Variants in SLC25A21 observed in about 807,000 individuals in gnomAD.
SLC25A21 encodes mitochondrial 2-oxodicarboxylate carrier.
SLC25A21 carries 47 observed loss-of-function variants against 43.8 expected under a neutral mutation model. The ratio of observed to expected loss-of-function variants is 1.07; its 90% CI spans 0.85 to 1.37. The LOEUF is 1.37. Among genes scored for constraint, SLC25A21 ranks in the 40% most tolerant of loss-of-function variants. The pLI is 0.00. For synonymous variants in SLC25A21, 131 were observed against 121.3 expected (o/e 1.08, Z -0.52); for missense variants, 352 against 350.2 (o/e 1.00, Z -0.04).
At chr14:36,983,831 C>A (rs1272049744) in intron 1 of SLC25A21, among the ~76,000 whole-genome samples, 2 of 152,036 alleles carry the variant, frequency 1.3e-5, no homozygotes, top group African/African-American at 4.8e-5. Flanking sequence ...GGAATCATAT[C>A]CTTTGCAGTA....
At chr14:36,782,646 A>G (rs1887105913) in intron 3 of SLC25A21, among the ~76,000 whole-genome samples, 2 of 152,166 alleles carry the variant, frequency 1.3e-5, no homozygotes, top group South Asian at 4.1e-4. Context: ...TACCTGTTCC[A>G]TCTCTCTTGT....
At chr14:36,931,191 A>G (rs1473357158) in intron 1 of SLC25A21, among the ~76,000 whole-genome samples, 1 of 152,170 alleles carries the variant, frequency 6.6e-6, no homozygotes, top group Non-Finnish European at 1.5e-5. Flanking sequence ...ACTAATTGAA[A>G]GCTGTAATAT....
At chr14:36,952,109 T>C (rs1892826384) in intron 1 of SLC25A21, among the ~76,000 whole-genome samples, 1 of 151,990 alleles carries the variant, frequency 6.6e-6, no homozygotes, top group East Asian at 1.9e-4. Flanking sequence ...GGTGCGTGCC[T>C]GTAATCCCAG....
intron 1 of SLC25A21, among the ~76,000 whole-genome samples, chr14:37,018,956 G>T (rs1327262772): frequency 6.6e-6 from 1 of 151,864 alleles, no homozygotes. Flanking sequence ...TATAGCTGTG[G>T]GTTTATCCCA....
chr14:36,940,012 A>T (rs1275501830), intron 1 of SLC25A21, among the ~76,000 whole-genome samples: 2 of 152,166 alleles, frequency 1.3e-5, no homozygotes, highest in African/African-American at 2.4e-5. Context: ...AGCAGAGTTT[A>T]AAAATCACCT....
At chr14:36,857,335 G>C (rs1711760917) in intron 2 of SLC25A21, among the ~76,000 whole-genome samples, 1 of 152,124 alleles carries the variant, frequency 6.6e-6, no homozygotes, top group African/African-American at 2.4e-5. Flanking sequence ...CAGCACTGCG[G>C]GAGTCTCTAT....
intron 2 of SLC25A21, among the ~76,000 whole-genome samples, chr14:36,814,585 T>C (rs1019979826): frequency 6.6e-6 from 1 of 152,114 alleles, no homozygotes; most frequent in African/African-American, 2.4e-5. Context: ...TCATCACTAG[T>C]CAATAGAGAA....
At chr14:36,693,418 G>A (rs1594493351) in intron 7 of SLC25A21, among the ~76,000 whole-genome samples, 1 of 152,232 alleles carries the variant, frequency 6.6e-6, no homozygotes, top group East Asian at 1.9e-4. Context: ...AAGCTAGGAT[G>A]ACAGATGAGA....
intron 1 of SLC25A21, among the ~76,000 whole-genome samples, chr14:36,955,941 A>G (rs987790004): frequency 6.6e-6 from 1 of 152,176 alleles, no homozygotes; most frequent in Non-Finnish European, 1.5e-5. Flanking sequence ...ATATAAACAA[A>G]ACATTCCATT....
intron 1 of SLC25A21, among the ~76,000 whole-genome samples, chr14:36,939,264 G>A (rs1892498322): frequency 6.6e-6 from 1 of 152,000 alleles, no homozygotes; most frequent in Non-Finnish European, 1.5e-5. Flanking sequence ...GTCGGGTTGG[G>A]GGAGCAGTTT....
intron 1 of SLC25A21, among the ~76,000 whole-genome samples, chr14:37,040,373 GAGAAAGAAAGAA>G (rs767966979): frequency 0.024 from 511 of 20,936 alleles, 23 homozygotes; most frequent in Middle Eastern, 0.038. Context: ...GAGAGAGAGA[GAGAAAGAAAGAA>G]AGAAAGAAAG....
intron 1 of SLC25A21, among the ~76,000 whole-genome samples, chr14:37,078,408 C>T (rs1024718409): frequency 8.6e-5 from 13 of 151,958 alleles, no homozygotes; most frequent in African/African-American, 3.1e-4. Context: ...TTGGATGATA[C>T]GTCAGGATAA....
chr14:36,849,069 G>C (rs1479170017), intron 2 of SLC25A21, among the ~76,000 whole-genome samples: 1 of 152,204 alleles, frequency 6.6e-6, no homozygotes, highest in Non-Finnish European at 1.5e-5. Context: ...AGGTGGTAAA[G>C]ATTCTTGGAG....
chr14:36,685,936 C>A (rs935089422), intron 7 of SLC25A21, among the ~76,000 whole-genome samples: 8 of 152,080 alleles, frequency 5.3e-5, no homozygotes, highest in African/African-American at 1.9e-4. Flanking sequence ...CTGACTCCGA[C>A]CCCCCACCCT....
intron 1 of SLC25A21, among the ~76,000 whole-genome samples, chr14:37,021,142 G>A (rs1566821086): frequency 6.6e-6 from 1 of 151,922 alleles, no homozygotes; most frequent in Non-Finnish European, 1.5e-5. Flanking sequence ...CAGGGAAAAC[G>A]CATAGTGGGC....
chr14:36,876,717 T>C (rs929379906), intron 1 of SLC25A21, among the ~76,000 whole-genome samples: 1 of 152,040 alleles, frequency 6.6e-6, no homozygotes, highest in Non-Finnish European at 1.5e-5. Flanking sequence ...CCCATGATGA[T>C]ACCAGTTCCT....
chr14:37,109,799 A>G (rs1279858001), intron 1 of SLC25A21, among the ~76,000 whole-genome samples: 1 of 152,146 alleles, frequency 6.6e-6, no homozygotes, highest in East Asian at 1.9e-4. Flanking sequence ...TTTACATTGC[A>G]AAACTGCCAT....
chr14:36,691,151 C>G (rs1287401311), intron 7 of SLC25A21, among the ~76,000 whole-genome samples: 1 of 152,088 alleles, frequency 6.6e-6, no homozygotes, highest in Non-Finnish European at 1.5e-5. Context: ...GTGAAGAAGC[C>G]AAAGTATCGG....
chr14:36,903,421 G>A (rs891253213), intron 1 of SLC25A21, among the ~76,000 whole-genome samples: 6 of 151,694 alleles, frequency 4.0e-5, no homozygotes, highest in Non-Finnish European at 7.4e-5. Context: ...AGACCAGCCT[G>A]GCCAACATGG....
Sources: gnomAD v4.1 joint callset for allele counts (sites outside exome capture counted in the v4.1 genomes callset) on GRCh38, gnomAD v4.1.1 for gene constraint, MANE v1.5 for transcripts, NCBI Gene and HGNC (gene_info 2026-07-23, HGNC 2026-07-21) for gene names.